The following ATP2B4 variants were observed in gnomAD, a reference collection of about 807,000 sequenced individuals.
ATP2B4 encodes the protein ATPase plasma membrane Ca2+ transporting 4, also known as plasma membrane calcium-transporting ATPase 4.
ATP2B4 carries 39 observed loss-of-function variants against 110.3 expected under a neutral mutation model. The ratio of observed to expected loss-of-function variants is 0.35; its 90% CI spans 0.27 to 0.46. The LOEUF is 0.46. Among genes scored for constraint, ATP2B4 ranks in the 20% least tolerant of loss-of-function variants. ATP2B4 has a pLI of 1.00. For missense variants in ATP2B4, 1,135 were observed against 1,530.9 expected, an observed-to-expected ratio of 0.74 and a Z score of 4.32; for synonymous variants, 538 against 571.7, an observed-to-expected ratio of 0.94 and a Z score of 0.84.
chr1:203,709,611 A>G (rs1665948230), intron 11 of ATP2B4, 69 bp downstream of exon 11: 5 of 1,595,732 alleles, frequency 3.1e-6, no homozygotes, highest in Admixed American at 3.4e-5. Context: ...TGCACACCCC[A>G]CACTGAACCC....
rs532747655 is a variant in ATP2B4 at position 203,722,088 on chromosome 1, T to G, written c.2813-390T>G. On this transcript the variant is annotated intron_variant, in intron 17 of 20. Coordinates refer to ENST00000357681, the MANE Select transcript of ATP2B4 (RefSeq NM_001684.5). Reference sequence around the variant, plus strand: ...AGTCTTACTACCATGCTGCACTACATGAGAGCAAGTATCAATGCAGCAAAC... The same window carrying G: ...AGTCTTACTACCATGCTGCACTACAGGAGAGCAAGTATCAATGCAGCAAAC... Among the ~76,000 whole-genome samples the G allele has an allele frequency of 2.0e-5, 3 of 152,248 alleles. No individual in the cohort carries two copies. In the East Asian group the frequency reaches 5.8e-4, roughly 29 times the overall value.
chr1:203,669,886 C>T (rs1263773686), intron 1 of ATP2B4, among the ~76,000 whole-genome samples: 3 of 152,240 alleles, frequency 2.0e-5, no homozygotes, highest in East Asian at 1.9e-4. Flanking sequence ...AACCTTTCTG[C>T]TCACTTGGAA....
chr1:203,724,784 C>A (rs1056854539), intron 19 of ATP2B4, among the ~76,000 whole-genome samples: 8 of 149,916 alleles, frequency 5.3e-5, no homozygotes, highest in African/African-American at 2.0e-4. Flanking sequence ...TTCAGATTTA[C>A]AAGATCTCTA....
intron 15 of ATP2B4, among the ~76,000 whole-genome samples, chr1:203,719,225 G>GAAGAAAAAAAAAAAAAA (rs1666245760): frequency 1.8e-5 from 1 of 54,378 alleles, no homozygotes; most frequent in African/African-American, 7.5e-5. Flanking sequence ...ACCCTGTCTC[G>GAAGAAAAAAAAAAAAAA]AAAAAAAAAA....
chr1:203,715,026 C>A (rs1226793809), intron 15 of ATP2B4, among the ~76,000 whole-genome samples: 1 of 152,134 alleles, frequency 6.6e-6, no homozygotes, highest in African/African-American at 2.4e-5. Context: ...CATGGCCAAT[C>A]TTGTTTCAGT....
chr1:203,689,824 A>G (rs141749808), intron 2 of ATP2B4, among the ~76,000 whole-genome samples: 1 of 152,234 alleles, frequency 6.6e-6, no homozygotes, highest in Non-Finnish European at 1.5e-5. Flanking sequence ...AGCAGCGTCT[A>G]TGGGAACACA....
chr1:203,699,555 G>A lies in ATP2B4; in HGVS notation c.487G>A (p.Val163Met), dbSNP rs773335926. The change falls in exon 4 of 21, where the codon GTG (valine) becomes ATG (methionine). Residue 163 changes from valine (V) to methionine (M), a missense_variant. Physicochemically the swap from Val to Met is conservative, Grantham distance 21. Transcript: ENST00000357681. ...CATCCTTTTCTCAGTGATCATCGTG[G>A]TGTTAGTGACTGCCTTTAATGATTG... ...AAILFSVIIV[V>M]LVTAFNDWSK... The A allele has an allele frequency of 8.1e-6, 13 of 1,614,060 alleles. No individual in the cohort carries two copies. In the Admixed American group the frequency reaches 2.2e-4, roughly 27 times the overall value.
At chr1:203,698,387 A>G in intron 3 of ATP2B4, 33 bp downstream of exon 3, 1 of 1,606,664 alleles carries the variant, frequency 6.2e-7, no homozygotes, top group Non-Finnish European at 8.5e-7. Context: ...CGTGACTCTT[A>G]TCTGGGTTCT....
chr1:203,627,958 G>C (rs1663138425), intron 1 of ATP2B4, among the ~76,000 whole-genome samples: 1 of 152,186 alleles, frequency 6.6e-6, no homozygotes, highest in African/African-American at 2.4e-5. Context: ...GTGTGTGAGC[G>C]TCCAGAACCA....
intron 1 of ATP2B4, among the ~76,000 whole-genome samples, chr1:203,651,621 G>T (rs1012411679): frequency 3.3e-5 from 5 of 152,156 alleles, no homozygotes; most frequent in African/African-American, 1.2e-4. Context: ...TACTAGCTGG[G>T]CACAGTAGTA....
chr1:203,678,688 G>C (rs746469781), intron 1 of ATP2B4, among the ~76,000 whole-genome samples: 3 of 152,204 alleles, frequency 2.0e-5, no homozygotes, highest in Non-Finnish European at 4.4e-5. Context: ...ACAGGCAGGA[G>C]CCACGGCACC....
Position 203,722,750 on chromosome 1 carries a change from G to A in ATP2B4, c.3024+61G>A. 2.0e-6 allele frequency: 3 copies of A among 1,537,550 alleles called. No homozygotes were observed. In the South Asian group the frequency reaches 3.5e-5, roughly 18 times the overall value. On this transcript the variant is annotated intron_variant, in intron 18 of 20. Coordinates refer to ENST00000357681, the MANE Select transcript of ATP2B4 (RefSeq NM_001684.5). ...GAATGATAAAGGGCAGAAGCTGGGA[G>A]CCAGGGTTCCCTACATACCTAGGAA...
intron 1 of ATP2B4, among the ~76,000 whole-genome samples, chr1:203,653,412 T>C (rs1664056567): frequency 6.6e-6 from 1 of 152,128 alleles, no homozygotes; most frequent in Non-Finnish European, 1.5e-5. Flanking sequence ...GCTAAGATAA[T>C]TGGTGACAGT....
At chr1:203,642,375 C>T (rs149174413) in intron 1 of ATP2B4, among the ~76,000 whole-genome samples, 34 of 152,310 alleles carry the variant, frequency 2.2e-4, no homozygotes, top group African/African-American at 7.7e-4. Flanking sequence ...TGAAACACTG[C>T]ACCTGGCCTC....
intron 1 of ATP2B4, among the ~76,000 whole-genome samples, chr1:203,669,234 C>T (rs1027811038): frequency 5.9e-5 from 9 of 152,094 alleles, no homozygotes; most frequent in Non-Finnish European, 1.3e-4. Context: ...TGGCTCATTC[C>T]CCTTCTATCT....
intron 1 of ATP2B4, among the ~76,000 whole-genome samples, chr1:203,633,310 A>G (rs916754521): frequency 2.6e-5 from 4 of 152,228 alleles, no homozygotes; most frequent in Non-Finnish European, 5.9e-5. Flanking sequence ...AGAAATGCCA[A>G]CGAGGCCAGA....
intron 2 of ATP2B4, among the ~76,000 whole-genome samples, chr1:203,697,369 C>T (rs1187608840): frequency 2.0e-5 from 3 of 152,196 alleles, no homozygotes; most frequent in African/African-American, 7.2e-5. Flanking sequence ...CAATGGATGG[C>T]AGCTCACTCT....
At chr1:203,700,698 G>A (rs1013496386) in intron 5 of ATP2B4, 100 bp from the exon 6 acceptor site, 4 of 1,480,256 alleles carry the variant, frequency 2.7e-6, no homozygotes, top group Admixed American at 3.5e-5. Flanking sequence ...TATCCATGGG[G>A]TAGGGAGGAG....
rs2102384510 is a variant in ATP2B4 at position 203,699,510 on chromosome 1, G to C, written c.442G>C (p.Gly148Arg). The change falls in exon 4 of 21, where the codon GGC (glycine) becomes CGC (arginine). Residue 148 changes from glycine (G) to arginine (R), a missense_variant. Physicochemically the swap from Gly to Arg is moderately radical, Grantham distance 125. Transcript: ENST00000357681. ...AGAAGATGAAAATGAGGCACAAGCT[G>C]GCTGGATTGAGGGGGCAGCCATCCT... ...TPEDENEAQAGWIEGAAILFS... is the reference protein window; with the variant it reads ...TPEDENEAQARWIEGAAILFS... 6.2e-7 allele frequency: 1 copy of C among 1,614,208 alleles called. No individual in the cohort carries two copies. Among genetic ancestry groups the C allele is most frequent in the East Asian group, 2.2e-5 (1 of 44,884 alleles).
Sources: allele counts gnomAD v4.1 joint callset (sites outside exome capture counted in the v4.1 genomes callset), GRCh38; gene constraint gnomAD v4.1.1; transcripts MANE v1.5; gene names NCBI Gene and HGNC (gene_info 2026-07-23, HGNC 2026-07-21).